MACROD2: variants seen among roughly 807,000 people sequenced by gnomAD.
The protein encoded by MACROD2 is mono-ADP ribosylhydrolase 2, also known as ADP-ribose glycohydrolase MACROD2.
MACROD2 carries 36 observed loss-of-function variants against 70.4 expected under a neutral mutation model. The observed-to-expected ratio is 0.51, with a 90% CI of 0.39 to 0.68. The LOEUF (loss-of-function observed/expected upper bound fraction) is 0.68, where lower values mean the gene tolerates loss of function less well. Among genes scored for constraint, MACROD2 ranks in the 30% least tolerant of loss-of-function variants. MACROD2 has a pLI of 0.00. For missense variants in MACROD2, 496 were observed against 538.4 expected, an observed-to-expected ratio of 0.92 and a Z score of 0.78; for synonymous variants, 172 against 178.8, an observed-to-expected ratio of 0.96 and a Z score of 0.30.
intron 3 of MACROD2, among the ~76,000 whole-genome samples, chr20:14,295,991 G>A (rs1447471145): frequency 6.6e-6 from 1 of 151,778 alleles, no homozygotes; most frequent in Non-Finnish European, 1.5e-5. Context: ...CATCAATAGA[G>A]TAGTTTCATA....
chr20:15,416,099 T>G (rs1188761309), intron 6 of MACROD2, among the ~76,000 whole-genome samples: 1 of 152,238 alleles, frequency 6.6e-6, no homozygotes, highest in South Asian at 2.1e-4. Context: ...GGGCCTGAGC[T>G]GTCATATCTC....
intron 5 of MACROD2, among the ~76,000 whole-genome samples, chr20:14,876,235 CTT>C (rs541719563): frequency 1.8e-5 from 2 of 109,154 alleles, no homozygotes; most frequent in South Asian, 7.1e-4. Context: ...TGAGGGTGAT[CTT>C]TTTTTCATAT....
At chr20:14,988,855 A>G (rs1326460278) in intron 5 of MACROD2, among the ~76,000 whole-genome samples, 6 of 152,186 alleles carry the variant, frequency 3.9e-5, no homozygotes, top group Admixed American at 1.3e-4. Context: ...ATTTATTTGT[A>G]ACATCAATGT....
chr20:14,397,340 A>G (rs193088042), intron 3 of MACROD2, among the ~76,000 whole-genome samples: 24 of 152,254 alleles, frequency 1.6e-4, no homozygotes, highest in African/African-American at 5.1e-4. Flanking sequence ...GTTTGAACAT[A>G]CATCTTGTTT....
chr20:15,993,026 G>C (rs953218557), intron 15 of MACROD2, among the ~76,000 whole-genome samples: 3 of 152,026 alleles, frequency 2.0e-5, no homozygotes, highest in Middle Eastern at 6.8e-3. Context: ...CTTCTCTAAA[G>C]ATAGTGAGTA....
At chr20:14,605,399 T>C (rs199933051) in intron 4 of MACROD2, among the ~76,000 whole-genome samples, 6 of 152 alleles carry the variant, frequency 0.039, no homozygotes, top group African/African-American at 0.12. Flanking sequence ...GGTGTCCAAA[T>C]GCCCCTTTTT....
chr20:14,024,630 C>A (rs1158799611), intron 2 of MACROD2, among the ~76,000 whole-genome samples: 1 of 152,056 alleles, frequency 6.6e-6, no homozygotes, highest in Non-Finnish European at 1.5e-5. Flanking sequence ...TTAAGATAAT[C>A]ATGTGGTTTT....
intron 5 of MACROD2, among the ~76,000 whole-genome samples, chr20:15,041,447 C>G (rs997165008): frequency 6.6e-6 from 1 of 151,974 alleles, no homozygotes; most frequent in African/African-American, 2.4e-5. Flanking sequence ...TTCTCTCTCT[C>G]TCTCTCTTAC....
intron 4 of MACROD2, among the ~76,000 whole-genome samples, chr20:14,581,316 A>C (rs1461186954): frequency 6.6e-6 from 1 of 152,234 alleles, no homozygotes; most frequent in East Asian, 1.9e-4. Flanking sequence ...GACCAATCAA[A>C]TCAGAATCTC....
At position 14,484,074 on chromosome 20, in the gene MACROD2, A is replaced by T. The variant is rs531624022; in HGVS notation, c.272-9405A>T. Among the ~76,000 whole-genome samples the T allele has an allele frequency of 1.1e-4, 17 of 152,296 alleles. No homozygotes were observed. In the South Asian group the frequency reaches 3.3e-3, roughly 30 times the overall value. On this transcript the variant is annotated intron_variant, in intron 3 of 17. Transcript: ENST00000684519. ...CCATTGAACTGAAATCTCATCTAAC[A>T]TACCAAAACATTTGATTCAGATTAT...
chr20:14,043,431 C>CT (rs376737666), intron 2 of MACROD2, among the ~76,000 whole-genome samples: 14 of 152,342 alleles, frequency 9.2e-5, no homozygotes, highest in African/African-American at 3.4e-4. Flanking sequence ...TCTGCCTTCT[C>CT]TGAGTGTGCC....
At chr20:15,707,012 A>G (rs1458084454) in intron 8 of MACROD2, among the ~76,000 whole-genome samples, 5 of 152,228 alleles carry the variant, frequency 3.3e-5, no homozygotes, top group Admixed American at 2.0e-4. Flanking sequence ...AGCTGGATTT[A>G]CAAAGGTTAT....
At chr20:14,854,973 A>C (rs1331032874) in intron 5 of MACROD2, among the ~76,000 whole-genome samples, 1 of 152,096 alleles carries the variant, frequency 6.6e-6, no homozygotes, top group Non-Finnish European at 1.5e-5. Flanking sequence ...CCGAGATCGC[A>C]CCACTGCACT....
At chr20:14,299,163 A>G (rs1341481739) in intron 3 of MACROD2, among the ~76,000 whole-genome samples, 1 of 152,216 alleles carries the variant, frequency 6.6e-6, no homozygotes, top group African/African-American at 2.4e-5. Context: ...CAATTAATAC[A>G]GACAATTTCA....
At chr20:15,679,498 CT>C (rs1319396617) in intron 8 of MACROD2, among the ~76,000 whole-genome samples, 2 of 152,204 alleles carry the variant, frequency 1.3e-5, no homozygotes, top group Non-Finnish European at 2.9e-5. Context: ...GTTTTATCCC[CT>C]TGGGCTGAGC....
chr20:14,546,748 T>C (rs935316984), intron 4 of MACROD2, among the ~76,000 whole-genome samples: 3 of 152,140 alleles, frequency 2.0e-5, no homozygotes, highest in Admixed American at 2.0e-4. Context: ...ACTTTTCTTT[T>C]CCATAGGGTC....
intron 8 of MACROD2, among the ~76,000 whole-genome samples, chr20:15,649,410 G>A (rs529187588): frequency 1.3e-5 from 2 of 152,068 alleles, no homozygotes; most frequent in Admixed American, 6.6e-5. Context: ...CGCTCCAAGA[G>A]CAAACACAGT....
chr20:15,499,663 G>C (rs2145014), intron 7 of MACROD2, 111 bp from the exon 8 acceptor site: 4 of 896,440 alleles, frequency 4.5e-6, no homozygotes, highest in African/African-American at 1.6e-5. Flanking sequence ...TGTACTTATT[G>C]GTTGAACTGA....
intron 4 of MACROD2, among the ~76,000 whole-genome samples, chr20:14,631,034 T>A (rs1268107265): frequency 6.6e-6 from 1 of 152,204 alleles, no homozygotes; most frequent in East Asian, 1.9e-4. Context: ...TCTATTTGTC[T>A]TATTTTTTAA....
Sources: allele counts gnomAD v4.1 joint callset (sites outside exome capture counted in the v4.1 genomes callset), GRCh38; gene constraint gnomAD v4.1.1; transcripts MANE v1.5; gene names NCBI Gene and HGNC (gene_info 2026-07-23, HGNC 2026-07-21).